SORL1: variants seen among roughly 807,000 people sequenced by gnomAD.
The protein encoded by SORL1 is sortilin related receptor 1, also known as sortilin-related receptor.
In SORL1, 127 loss-of-function variants were observed where a neutral mutation model predicts 273.7. The observed-to-expected ratio is 0.46, with a 90% CI of 0.40 to 0.54. SORL1 has a LOEUF of 0.54. Among genes scored for constraint, SORL1 ranks in the 20% least tolerant of loss-of-function variants. The pLI is 0.00. For missense variants in SORL1, 2,494 were observed against 2,846.1 expected (o/e 0.88, Z 2.81); for synonymous variants, 1,031 against 1,067.4 (o/e 0.97, Z 0.66).
At chr11:121,555,134 C>G (rs943557916) in intron 17 of SORL1, 53 bp from the exon 18 acceptor site, 1 of 1,553,646 alleles carries the variant, frequency 6.4e-7, no homozygotes, top group African/African-American at 1.4e-5. Flanking sequence ...ACTGACTTGG[C>G]AGGGGGTCGT....
chr11:121,507,876 T>G (rs945827079), intron 6 of SORL1, among the ~76,000 whole-genome samples: 2 of 152,196 alleles, frequency 1.3e-5, no homozygotes, highest in Non-Finnish European at 2.9e-5. Context: ...ACTGGACATT[T>G]TAAATGGTGT....
At chr11:121,602,391 C>T (rs1429436783) in intron 32 of SORL1, among the ~76,000 whole-genome samples, 1 of 152,208 alleles carries the variant, frequency 6.6e-6, no homozygotes, top group Non-Finnish European at 1.5e-5. Flanking sequence ...GCAAAGAAGT[C>T]TTAATTCTTC....
chr11:121,495,031 A>G (rs1221342604), intron 5 of SORL1, among the ~76,000 whole-genome samples: 1 of 152,152 alleles, frequency 6.6e-6, no homozygotes, highest in Non-Finnish European at 1.5e-5. Flanking sequence ...TGCCCTAAGA[A>G]TCCAGATTGT....
intron 1 of SORL1, among the ~76,000 whole-genome samples, chr11:121,454,386 A>G (rs1229488602): frequency 6.6e-6 from 1 of 152,132 alleles, no homozygotes; most frequent in Non-Finnish European, 1.5e-5. Context: ...TACATGTGCC[A>G]TTTCTTTCTT....
At chr11:121,517,262 C>T (rs1401340967) in intron 8 of SORL1, among the ~76,000 whole-genome samples, 3 of 152,060 alleles carry the variant, frequency 2.0e-5, no homozygotes, top group Admixed American at 6.6e-5. Context: ...CCCTGGCAGC[C>T]GTCAGTCTGA....
chr11:121,452,385 G>C lies in SORL1; in HGVS notation c.54G>C (p.Leu18=), dbSNP rs1230041968. ...RESRLPFLFT[L]VALLPPGALC... The stretch of plus-strand genomic sequence containing the variant: ...CGCGACTCCCGTTCCTATTCACCCT[G>C]GTCGCACTGCTGCCGCCCGGAGCTC... The change falls in exon 1 of 48, where the codon CTG becomes CTC. Residue 18 remains leucine (L), a synonymous_variant. Transcript: ENST00000260197. The surrounding 1 kb of genome is among the most constrained non-coding windows in gnomAD (Gnocchi z 5.3). The C allele has an allele frequency of 6.5e-7, 1 of 1,549,868 alleles. No homozygotes were observed. The highest frequency in any genetic ancestry group is 1.4e-5 in the African/African-American group (1 of 70,020).
At chr11:121,559,423 G>A in intron 20 of SORL1, 96 bp from the exon 21 acceptor site, 2 of 1,285,564 alleles carry the variant, frequency 1.6e-6, no homozygotes, top group Non-Finnish European at 2.2e-6. Flanking sequence ...GCCAATAAAT[G>A]TTAGTTGTCT....
chr11:121,535,927 T>C (rs901090512), intron 12 of SORL1, among the ~76,000 whole-genome samples: 2 of 152,316 alleles, frequency 1.3e-5, no homozygotes, highest in Non-Finnish European at 2.9e-5. Context: ...TTCAGCCCGC[T>C]GCTCCTGTGA....
intron 46 of SORL1, among the ~76,000 whole-genome samples, chr11:121,625,761 T>C (rs1262154543): frequency 6.6e-6 from 1 of 152,140 alleles, no homozygotes; most frequent in African/African-American, 2.4e-5. Flanking sequence ...TGTCCTGGGA[T>C]CTCTGTCTTA....
chr11:121,462,663 C>A (rs115081576), intron 1 of SORL1, among the ~76,000 whole-genome samples: 1 of 152,148 alleles, frequency 6.6e-6, no homozygotes, highest in Non-Finnish European at 1.5e-5. Context: ...TAGCTCACTG[C>A]GGCCTCGATC....
Position 121,627,501 on chromosome 11 carries a change from G to A in SORL1, c.6365-54G>A, listed in dbSNP as rs776099895. 141 of 1,470,610 alleles carry A rather than the reference G, an allele frequency of 9.6e-5. No individual in the cohort carries two copies. The highest frequency in any genetic ancestry group is 1.3e-4 in the Non-Finnish European group (134 of 1,050,846). 91.1% of individuals were successfully genotyped at this position (1,470,610 alleles called of 1,614,324 possible). A position where few individuals can be genotyped will look rare whatever the true frequency, so the allele number is the denominator to read the frequency against. ...TGGGTGGGGCCTTGAGGAGTCATCT[G>A]GTCTGTTCTCCTGCCCTCAGGTGGG... On this transcript the variant is annotated intron_variant, in intron 46 of 47. Transcript: ENST00000260197. The surrounding 1 kb of genome is among the most constrained non-coding windows in gnomAD (Gnocchi z 4.9).
chr11:121,561,426 T>C (rs2134913398), intron 21 of SORL1, among the ~76,000 whole-genome samples: 1 of 152,260 alleles, frequency 6.6e-6, no homozygotes, highest in African/African-American at 2.4e-5. Flanking sequence ...ACCTTAGGTG[T>C]AGTTTCCCTT....
intron 32 of SORL1, among the ~76,000 whole-genome samples, chr11:121,602,168 G>A (rs192998438): frequency 1.4e-3 from 209 of 152,186 alleles, no homozygotes; most frequent in African/African-American, 4.7e-3. Flanking sequence ...ACGTTTATTT[G>A]TCATGAGCTT....
chr11:121,530,051 A>T (rs1291089729), intron 11 of SORL1, among the ~76,000 whole-genome samples: 1 of 152,134 alleles, frequency 6.6e-6, no homozygotes, highest in African/African-American at 2.4e-5. Context: ...AATTGCACTT[A>T]ACGTAAAATT....
intron 1 of SORL1, among the ~76,000 whole-genome samples, chr11:121,459,754 GC>G (rs1288409428): frequency 6.6e-6 from 1 of 152,200 alleles, no homozygotes; most frequent in African/African-American, 2.4e-5. Flanking sequence ...TCCCTGCCCT[GC>G]CCTTTGCTTC....
chr11:121,616,075 C>T (rs1306857671), intron 41 of SORL1, among the ~76,000 whole-genome samples: 3 of 152,190 alleles, frequency 2.0e-5, no homozygotes, highest in African/African-American at 7.2e-5. Flanking sequence ...ATCCCCGGAG[C>T]TCTCTTTTAC....
rs1360234488 is a variant in SORL1, at chr11:121,631,207, T to A, written c.*1644T>A. 2.6e-5 allele frequency: 4 copies of A among 152,244 alleles called. No individual in the cohort carries two copies. The highest frequency in any genetic ancestry group is 5.9e-5 in the Non-Finnish European group (4 of 68,038). The allele number at this position is 152,244 out of a possible 1,614,324, so 9.4% of individuals were successfully genotyped here. On this transcript the variant is annotated 3_prime_UTR_variant, in exon 48 of 48. Transcript: ENST00000260197. ...CAAAGAAAGAGCCAATTAAATTTTTTAGTTTTTGAAATTTTTATTTATATG... is the reference window on the plus strand; with the variant it reads ...CAAAGAAAGAGCCAATTAAATTTTTAAGTTTTTGAAATTTTTATTTATATG...
chr11:121,577,002 C>G, intron 24 of SORL1: 1 of 1,422,522 alleles, frequency 7.0e-7, no homozygotes, highest in Non-Finnish European at 9.6e-7. Flanking sequence ...ATGTGGAGAG[C>G]ACTGGGATGA....
intron 5 of SORL1, among the ~76,000 whole-genome samples, chr11:121,494,516 G>A (rs1861599976): frequency 6.6e-6 from 1 of 152,202 alleles, no homozygotes; most frequent in South Asian, 2.1e-4. Context: ...AGGGATTTCA[G>A]GTGAGGCCAG....
Sources: allele counts gnomAD v4.1 joint callset (sites outside exome capture counted in the v4.1 genomes callset), GRCh38; gene constraint gnomAD v4.1.1; non-coding constraint Gnocchi (gnomAD v3.1); transcripts MANE v1.5; gene names NCBI Gene and HGNC (gene_info 2026-07-23, HGNC 2026-07-21).